MAST4: variants seen among roughly 807,000 people sequenced by gnomAD.
MAST4 encodes microtubule associated serine/threonine kinase family member 4, also known as microtubule-associated serine/threonine-protein kinase 4.
MAST4 carries 89 observed loss-of-function variants against 162.7 expected under a neutral mutation model. The observed-to-expected ratio is 0.55, with a 90% confidence interval of 0.46 to 0.65. The LOEUF is 0.65. Ranked by LOEUF, MAST4 falls within the 30% of genes least tolerant of loss-of-function variation. The pLI is 0.00. For synonymous variants in MAST4, 1,479 were observed against 1,361.1 expected (o/e 1.09, Z -1.91); for missense variants, 3,153 against 3,374.0 (o/e 0.93, Z 1.62).
chr5:66,911,796 A>G (rs1160247864), intron 4 of MAST4, among the ~76,000 whole-genome samples: 3 of 152,156 alleles, frequency 2.0e-5, no homozygotes, highest in African/African-American at 7.2e-5. Flanking sequence ...TTCAAGAAAT[A>G]TTTACATATT....
intron 3 of MAST4, among the ~76,000 whole-genome samples, chr5:66,869,996 T>C (rs1421188290): frequency 6.6e-6 from 1 of 152,196 alleles, no homozygotes; most frequent in African/African-American, 2.4e-5. Flanking sequence ...TGAGGCCCCA[T>C]TCCAAACTTC....
chr5:66,672,404 T>C (rs1025781016), intron 1 of MAST4, among the ~76,000 whole-genome samples: 2 of 152,242 alleles, frequency 1.3e-5, no homozygotes, highest in Non-Finnish European at 1.5e-5. Flanking sequence ...CATTTTAATG[T>C]ACATCTTTTT....
At chr5:66,625,871 G>A (rs1744392830) in intron 1 of MAST4, among the ~76,000 whole-genome samples, 1 of 152,140 alleles carries the variant, frequency 6.6e-6, no homozygotes, top group Admixed American at 6.5e-5. Flanking sequence ...TAACAAAGAT[G>A]TAGAAACAAC....
At position 66,617,831 on chromosome 5, in the gene MAST4, C is replaced by T. The variant is rs188994341; in HGVS notation, c.363+20813C>T. Among the ~76,000 whole-genome samples the T allele has an allele frequency of 7.8e-4, 119 of 152,204 alleles. No homozygotes were observed. The Middle Eastern group carries it at 0.017, about 22-fold the overall frequency. ...CCATTAACAAAGTAAAACATCAACG[C>T]GTACTAATAAAGGGAGAAAGACAAT... On this transcript the variant is annotated intron_variant, in intron 1 of 28. Transcript: ENST00000403625.
At chr5:67,070,869 A>G (rs1339313310) in intron 5 of MAST4, among the ~76,000 whole-genome samples, 1 of 152,150 alleles carries the variant, frequency 6.6e-6, no homozygotes, top group African/African-American at 2.4e-5. Flanking sequence ...CAATCAGAAT[A>G]TCTGGCAGTC....
At chr5:66,924,503 C>G (rs1408230082) in intron 4 of MAST4, among the ~76,000 whole-genome samples, 3 of 151,898 alleles carry the variant, frequency 2.0e-5, no homozygotes, top group Non-Finnish European at 4.4e-5. Context: ...ACGCCGTTCT[C>G]CTGCCTCAGC....
At chr5:67,053,943 T>C (rs182637869) in intron 4 of MAST4, among the ~76,000 whole-genome samples, 6 of 152,356 alleles carry the variant, frequency 3.9e-5, no homozygotes. Flanking sequence ...GCTATTCTAT[T>C]GACAAAAGGC....
At position 66,706,205 on chromosome 5, in the gene MAST4, C is replaced by T. The variant is rs542908474; in HGVS notation, c.364-53504C>T. Among the ~76,000 whole-genome samples the T allele has an allele frequency of 1.3e-4, 20 of 152,152 alleles. 1 individual carries two copies. In the South Asian group the frequency reaches 4.2e-3, roughly 32 times the overall value. On this transcript the variant is annotated intron_variant, in intron 1 of 28. Coordinates refer to ENST00000403625, the MANE Select transcript of MAST4 (RefSeq NM_001164664.2). The stretch of plus-strand genomic sequence containing the variant: ...TAAGAAATATTGCCATACTATCCCC[C>T]AAATATGTTTTATCATCAACAGGAC...
At chr5:66,706,365 A>G (rs914491503) in intron 1 of MAST4, among the ~76,000 whole-genome samples, 1 of 152,018 alleles carries the variant, frequency 6.6e-6, no homozygotes, top group African/African-American at 2.4e-5. Flanking sequence ...CAAGCCCCAA[A>G]CCCACCATTA....
intron 4 of MAST4, among the ~76,000 whole-genome samples, chr5:66,926,636 A>G (rs1051384809): frequency 6.6e-6 from 1 of 151,888 alleles, no homozygotes; most frequent in African/African-American, 2.4e-5. Flanking sequence ...GTATATATGT[A>G]TATATATGTG....
intron 1 of MAST4, among the ~76,000 whole-genome samples, chr5:66,626,422 A>G (rs1404662044): frequency 6.6e-6 from 1 of 152,138 alleles, no homozygotes; most frequent in Non-Finnish European, 1.5e-5. Context: ...TGCACTACTG[A>G]TGGTTCTCAC....
chr5:67,130,299 T>C lies in MAST4; in HGVS notation c.1835T>C (p.Ile612Thr). 1 of 1,613,850 alleles carries C rather than the reference T, an allele frequency of 6.2e-7. No homozygotes were observed. The highest frequency in any genetic ancestry group is 8.5e-7 in the Non-Finnish European group (1 of 1,179,830). ...CAGAACCTCATCCTTCGAAACCAGA[T>C]CCAGCAGGCCTTTGTGGAGCGGGAT... is the stretch of plus-strand genomic sequence containing the variant. The part of the protein sequence containing the change: ...NKQNLILRNQ[I>T]QQAFVERDIL... Residue 612 changes from isoleucine (I) to threonine (T), a missense_variant, in exon 15 of 29, where the codon ATC becomes ACC. Ile to Thr is a moderately conservative substitution (Grantham distance 89, BLOSUM62 -1). This residue lies in a region of MAST4 where 131 missense variants were observed against 253.8 expected (regional missense o/e 0.52). Coordinates refer to ENST00000403625, the MANE Select transcript of MAST4 (RefSeq NM_001164664.2).
At chr5:66,885,543 TAA>T in intron 3 of MAST4, among the ~76,000 whole-genome samples, 1 of 152,336 alleles carries the variant, frequency 6.6e-6, no homozygotes, top group South Asian at 2.1e-4. Context: ...TGTGGGTGGA[TAA>T]AAATGGAACC....
chr5:66,950,046 A>C (rs1042332802), intron 4 of MAST4, among the ~76,000 whole-genome samples: 6 of 152,098 alleles, frequency 3.9e-5, no homozygotes, highest in African/African-American at 7.2e-5. Flanking sequence ...AGCACATAGG[A>C]AACAGAACAT....
At chr5:67,114,306 C>T in intron 12 of MAST4, 87 bp downstream of exon 12, 1 of 1,477,306 alleles carries the variant, frequency 6.8e-7, no homozygotes, top group Non-Finnish European at 9.1e-7. Flanking sequence ...CTTTATTTTT[C>T]CTCATGTTTT....
chr5:66,784,532 A>G (rs889316752), intron 2 of MAST4, among the ~76,000 whole-genome samples: 1 of 152,348 alleles, frequency 6.6e-6, no homozygotes, highest in African/African-American at 2.4e-5. Context: ...AATATGACAG[A>G]TCTACCATAC....
At chr5:66,702,920 C>T (rs762841734) in intron 1 of MAST4, among the ~76,000 whole-genome samples, 37 of 152,170 alleles carry the variant, frequency 2.4e-4, no homozygotes, top group Non-Finnish European at 4.7e-4. Context: ...TTGGTGGAAG[C>T]GGGGAGATCA....
intron 3 of MAST4, among the ~76,000 whole-genome samples, chr5:66,858,005 G>A (rs889075110): frequency 5.3e-5 from 8 of 151,708 alleles, no homozygotes; most frequent in Non-Finnish European, 1.2e-4. Flanking sequence ...CACCCAGGCT[G>A]GAGTGCAGTG....
intron 5 of MAST4, among the ~76,000 whole-genome samples, chr5:67,089,381 G>A (rs891484388): frequency 2.0e-5 from 3 of 152,192 alleles, no homozygotes; most frequent in East Asian, 3.8e-4. Flanking sequence ...CAGAGGAGCT[G>A]CCCTCCTTCC....
Sources: allele counts gnomAD v4.1 joint callset (sites outside exome capture counted in the v4.1 genomes callset), GRCh38; gene constraint gnomAD v4.1.1; regional missense constraint gnomAD v4.1.1; transcripts MANE v1.5; gene names NCBI Gene and HGNC (gene_info 2026-07-23, HGNC 2026-07-21).